Variants in PCYOX1 observed in about 807,000 individuals in gnomAD.
The protein encoded by PCYOX1 is prenylcysteine oxidase 1, also known as prenylcysteine lyase.
Under a neutral mutation model 46.4 loss-of-function variants are expected in PCYOX1, and 46 were observed. The ratio of observed to expected loss-of-function variants is 0.99; its 90% confidence interval spans 0.78 to 1.27. The LOEUF is 1.27. Among genes scored for constraint, PCYOX1 ranks in the 50% most tolerant of loss-of-function variants. The pLI is 0.00. For missense variants in PCYOX1, 658 were observed against 628.3 expected (o/e 1.05, Z -0.51); for synonymous variants, 220 against 231.8 (o/e 0.95, Z 0.46).
In PCYOX1 at chr2:70,259,420, G is replaced by A. The variant is rs1416649041; in HGVS notation, c.173G>A (p.Gly58Glu). 1 of 1,614,044 alleles carries A rather than the reference G, an allele frequency of 6.2e-7. No individual in the cohort carries two copies. The highest frequency in any genetic ancestry group is 1.3e-5 in the African/African-American group (1 of 74,924). The change falls in exon 2 of 6, where the codon GGG becomes GAG. Residue 58 changes from glycine (G) to glutamate (E), a missense_variant. Coordinates refer to ENST00000433351, the MANE Select transcript of PCYOX1 (RefSeq NM_016297.4). ...GCCTATTACCTGCGGCAGAAATTTGGGAAAGATGTGAAGATAGACCTGTTT... is the reference window on the plus strand; with the variant it reads ...GCCTATTACCTGCGGCAGAAATTTGAGAAAGATGTGAAGATAGACCTGTTT... ...SAAYYLRQKFGKDVKIDLFER... is the reference protein window; with the variant it reads ...SAAYYLRQKFEKDVKIDLFER...
upstream of PCYOX1, chr2:70,258,119 G>A (rs372594347): frequency 3.4e-4 from 496 of 1,450,688 alleles, no homozygotes; most frequent in Non-Finnish European, 4.4e-4. Context: ...GCAGCGGTGG[G>A]AGGACTGCGG....
At chr2:70,274,928 G>T in intron 3 of PCYOX1, 31 bp from the exon 4 acceptor site, 1 of 1,303,024 alleles carries the variant, frequency 7.7e-7, no homozygotes, top group Non-Finnish European at 1.1e-6. Context: ...ATCTTGTTTG[G>T]TATTTAATGG....
Position 70,276,972 on chromosome 2 carries a change from C to G in PCYOX1, c.1098C>G (p.Gly366=), listed in dbSNP as rs148301071. 1 of 1,613,564 alleles carries G rather than the reference C, an allele frequency of 6.2e-7. No individual in the cohort carries two copies. Among genetic ancestry groups the G allele is most frequent in the East Asian group, 2.2e-5 (1 of 44,864 alleles). The change falls in exon 6 of 6, where the codon GGC becomes GGG. Residue 366 remains glycine, a synonymous_variant. Transcript: ENST00000433351. ...IFSSRPIDKF[G]LNTVLTTDNS... ...GCTCTAGACCCATAGATAAATTTGG[C>G]CTTAATACAGTTTTAACCACTGATA...
At chr2:70,263,754 G>C (rs1464579819) in intron 3 of PCYOX1, among the ~76,000 whole-genome samples, 3 of 151,620 alleles carry the variant, frequency 2.0e-5, no homozygotes, top group African/African-American at 4.8e-5. Flanking sequence ...CTGCCTCCCA[G>C]GTTCAAGTGA....
In PCYOX1 at chr2:70,278,249, A is replaced by G. The variant is rs528557179; in HGVS notation, c.*857A>G. ...CTTTTAAAAATACTGAGACCCCCCC[A>G]TAACCAGAGATTCAGATTCAAAGAC... On this transcript the variant is annotated 3_prime_UTR_variant, in exon 6 of 6. Transcript: ENST00000433351. 1 of 152,780 alleles carries G rather than the reference A, an allele frequency of 6.5e-6. No individual in the cohort carries two copies. Among genetic ancestry groups the G allele is most frequent in the Non-Finnish European group, 1.5e-5 (1 of 68,036 alleles). 9.5% of individuals were successfully genotyped at this position (152,780 alleles called of 1,614,324 possible).
intron 3 of PCYOX1, among the ~76,000 whole-genome samples, chr2:70,267,510 G>A (rs1054206874): frequency 6.6e-6 from 1 of 152,116 alleles, no homozygotes; most frequent in Non-Finnish European, 1.5e-5. Flanking sequence ...ATTGAGCACT[G>A]AGTGAGCGAC....
intron 3 of PCYOX1, among the ~76,000 whole-genome samples, chr2:70,264,733 G>A (rs892934979): frequency 6.6e-6 from 1 of 151,782 alleles, no homozygotes; most frequent in Non-Finnish European, 1.5e-5. Context: ...AATAATTTAC[G>A]GGCCGGGCGC....
chr2:70,267,411 T>G (rs1268788419), intron 3 of PCYOX1, among the ~76,000 whole-genome samples: 1 of 152,014 alleles, frequency 6.6e-6, no homozygotes, highest in African/African-American at 2.4e-5. Context: ...GGCTGCAATC[T>G]CAGCACTTTT....
intron 5 of PCYOX1, among the ~76,000 whole-genome samples, chr2:70,276,441 C>T (rs755376952): frequency 2.0e-4 from 31 of 152,112 alleles, no homozygotes; most frequent in Non-Finnish European, 3.4e-4. Flanking sequence ...CTCCTGACCT[C>T]GTGATCCACC....
intron 3 of PCYOX1, among the ~76,000 whole-genome samples, chr2:70,267,533 A>G (rs1192770713): frequency 6.6e-6 from 1 of 152,112 alleles, no homozygotes; most frequent in Non-Finnish European, 1.5e-5. Context: ...TCCGTCTGCA[A>G]TCCTGGCACC....
At position 70,258,174 on chromosome 2, in the gene PCYOX1, G is replaced by A. The variant is rs762612379; in HGVS notation, c.10G>A (p.Val4Ile). ...AGAGCTTGTGGAGGCCATGGGGCGC[G>A]TCGTCGCGGAGCTCGTCTCCTCGCT... MGR[V>I]VAELVSSLLG... The change falls in exon 1 of 6, where the codon GTC becomes ATC. Residue 4 changes from valine to isoleucine, a missense_variant. By Grantham distance (29) the Val-to-Ile change is conservative (BLOSUM62 3). Coordinates refer to ENST00000433351, the MANE Select transcript of PCYOX1 (RefSeq NM_016297.4). 6.3e-7 allele frequency: 1 copy of A among 1,595,502 alleles called. No individual in the cohort carries two copies. The highest frequency in any genetic ancestry group is 1.9e-4 in the Middle Eastern group (1 of 5,190).
Position 70,275,556 on chromosome 2 carries a change from T to C in PCYOX1, c.749T>C (p.Val250Ala). 1.2e-6 allele frequency: 2 copies of C among 1,614,112 alleles called. No individual in the cohort carries two copies. Among genetic ancestry groups the C allele is most frequent in the Non-Finnish European group, 1.7e-6 (2 of 1,179,998 alleles). Residue 250 changes from valine (V) to alanine (A), a missense_variant, in exon 5 of 6, where the codon GTA (valine) becomes GCA (alanine). By Grantham distance (64) the Val-to-Ala change is moderately conservative. Transcript: ENST00000433351. ...TGTTCTGATTCTGGCCTTTGGGCAG[T>C]AGAAGGTGGCAATAAACTTGTTTGC... ...LSCSDSGLWA[V>A]EGGNKLVCSG...
chr2:70,259,856 C>T (rs561665212), intron 2 of PCYOX1, among the ~76,000 whole-genome samples: 1 of 152,206 alleles, frequency 6.6e-6, no homozygotes, highest in African/African-American at 2.4e-5. Flanking sequence ...GCTCTTGTCG[C>T]TCAGGCTGGA....
chr2:70,277,633 T>C lies in PCYOX1; in HGVS notation c.*241T>C, dbSNP rs1364715793. On this transcript the variant is annotated 3_prime_UTR_variant, in exon 6 of 6. Transcript: ENST00000433351. Reference sequence around the variant, plus strand: ...TTTCACTATCCATTAGGAGTTTTTCTTAAACTTGTCTGATAATAAGAATCA... The same window carrying C: ...TTTCACTATCCATTAGGAGTTTTTCCTAAACTTGTCTGATAATAAGAATCA... The C allele has an allele frequency of 1.3e-5, 5 of 394,788 alleles. No individual in the cohort carries two copies. The highest frequency in any genetic ancestry group is 2.3e-5 in the Non-Finnish European group (5 of 220,692). The allele number at this position is 394,788 out of a possible 1,614,324, so 24.5% of individuals were successfully genotyped here.
intron 3 of PCYOX1, among the ~76,000 whole-genome samples, chr2:70,266,194 A>C (rs1232577448): frequency 6.6e-6 from 1 of 152,106 alleles, no homozygotes; most frequent in African/African-American, 2.4e-5. Context: ...TGGATTATCT[A>C]GGTGGGCCCA....
At chr2:70,264,690 G>T (rs1696488059) in intron 3 of PCYOX1, among the ~76,000 whole-genome samples, 1 of 151,762 alleles carries the variant, frequency 6.6e-6, no homozygotes, top group Non-Finnish European at 1.5e-5. Flanking sequence ...CCAGTGAGGG[G>T]ATACATAGGT....
Position 70,277,566 on chromosome 2 carries a change from A to G in PCYOX1, c.*174A>G, listed in dbSNP as rs1559038553. 3.4e-6 allele frequency: 2 copies of G among 590,426 alleles called. No homozygotes were observed. The highest frequency in any genetic ancestry group is 2.8e-5 in the East Asian group (1 of 35,204). The allele number at this position is 590,426 out of a possible 1,614,324, so 36.6% of individuals were successfully genotyped here. ...CGGTTCTAATTAAGTGTGAAGGTAT[A>G]GCTATTGCACTTATGCCATCTCCAA... On this transcript the variant is annotated 3_prime_UTR_variant, in exon 6 of 6. Coordinates refer to ENST00000433351, the MANE Select transcript of PCYOX1 (RefSeq NM_016297.4).
Position 70,258,608 on chromosome 2 carries a change from C to A in PCYOX1, c.112+332C>A, listed in dbSNP as rs149629562. 82 of 250,150 alleles carry A rather than the reference C, an allele frequency of 3.3e-4. 1 individual carries two copies. Among genetic ancestry groups the A allele is most frequent in the Non-Finnish European group, 5.3e-4 (69 of 130,878 alleles). 15.5% of individuals were successfully genotyped at this position (250,150 alleles called of 1,614,324 possible). A position where few individuals can be genotyped will look rare whatever the true frequency, so the allele number is the denominator to read the frequency against. ...GGGGAGGCCTAGGTTTCTCTATCTTCCCGTTGAACACTGACCGTGAAGACT... is the reference window on the plus strand; with the variant it reads ...GGGGAGGCCTAGGTTTCTCTATCTTACCGTTGAACACTGACCGTGAAGACT... On this transcript the variant is annotated intron_variant, in intron 1 of 5. Coordinates refer to ENST00000433351, the MANE Select transcript of PCYOX1 (RefSeq NM_016297.4).
Position 70,259,536 on chromosome 2 carries a change from C to G in PCYOX1, c.289C>G (p.Leu97Val), listed in dbSNP as rs537773175. 3 of 1,613,992 alleles carry G rather than the reference C, an allele frequency of 1.9e-6. No individual in the cohort carries two copies. The African/African-American group carries it at 4.0e-5, about 22-fold the overall frequency. ...AGGSVIHPLN[L>V]HMKRFVKDLG... ...AGGTTCTGTCATCCATCCTTTAAAT[C>G]TGCACATGAAACGTTTTGTCAAAGA... The change falls in exon 2 of 6, where the codon CTG (leucine) becomes GTG (valine). Residue 97 changes from leucine (L) to valine (V), a missense_variant. Leu to Val is a conservative substitution (Grantham distance 32). Coordinates refer to ENST00000433351, the MANE Select transcript of PCYOX1 (RefSeq NM_016297.4).
Sources: gnomAD v4.1 joint callset for allele counts (sites outside exome capture counted in the v4.1 genomes callset) on GRCh38, gnomAD v4.1.1 for gene constraint, MANE v1.5 for transcripts, NCBI Gene and HGNC (gene_info 2026-07-23, HGNC 2026-07-21) for gene names.